ROR2: variants seen among roughly 807,000 people sequenced by gnomAD.
ROR2 encodes tyrosine-protein kinase transmembrane receptor ROR2.
ROR2 carries 33 observed loss-of-function variants against 74.9 expected under a neutral mutation model. The observed-to-expected ratio is 0.44, with a 90% CI of 0.33 to 0.59. The LOEUF is 0.59. ROR2 is among the 20% of genes least tolerant of loss of function. The pLI, the probability that ROR2 is intolerant of heterozygous loss-of-function variation, is 0.02. For missense variants in ROR2, 1,216 were observed against 1,313.8 expected, an observed-to-expected ratio of 0.93 and a Z score of 1.15; for synonymous variants, 586 against 558.7, an observed-to-expected ratio of 1.05 and a Z score of -0.69.
chr9:91,798,915 G>A (rs895722203), intron 1 of ROR2, among the ~76,000 whole-genome samples: 15 of 152,114 alleles, frequency 9.9e-5, no homozygotes, highest in Non-Finnish European at 2.9e-5. Flanking sequence ...CCACGCAGCA[G>A]AGACGCTCTG....
chr9:91,850,415 CT>C (rs1231452265), intron 1 of ROR2, among the ~76,000 whole-genome samples: 1 of 150,888 alleles, frequency 6.6e-6, no homozygotes, highest in Non-Finnish European at 1.5e-5. Flanking sequence ...AGAGACGACC[CT>C]GGACAATCAG....
At chr9:91,909,860 T>TTTTTTTTTTTTTTC (rs1830926544) in intron 1 of ROR2, among the ~76,000 whole-genome samples, 1 of 127,576 alleles carries the variant, frequency 7.8e-6, no homozygotes, top group Non-Finnish European at 1.6e-5. Flanking sequence ...TTTTTTTTTT[T>TTTTTTTTTTTTTTC]TTTTTTTTTT....
chr9:91,822,849 G>A (rs761438981), intron 1 of ROR2, among the ~76,000 whole-genome samples: 2 of 152,160 alleles, frequency 1.3e-5, no homozygotes, highest in Non-Finnish European at 2.9e-5. Context: ...GCAGCCAGAC[G>A]TGCACAGCTT....
chr9:91,743,206 G>T lies in ROR2; in HGVS notation c.495-5688C>A, dbSNP rs181341876. On this transcript the variant is annotated intron_variant, in intron 4 of 8. Coordinates refer to ENST00000375708, the MANE Select transcript of ROR2 (RefSeq NM_004560.4). Reference sequence around the variant, plus strand: ...TGAACTTGAAGACAGATCAACAGGAGATTTCCAAACTGAAGCAAAGAGACA... The same window carrying T: ...TGAACTTGAAGACAGATCAACAGGATATTTCCAAACTGAAGCAAAGAGACA... Among the ~76,000 whole-genome samples the T allele has an allele frequency of 3.2e-4, 49 of 152,308 alleles. No individual in the cohort carries two copies. The East Asian group carries it at 8.1e-3, about 25-fold the overall frequency.
At chr9:91,775,024 C>T (rs112686470) in intron 2 of ROR2, among the ~76,000 whole-genome samples, 375 of 152,312 alleles carry the variant, frequency 2.5e-3, no homozygotes, top group African/African-American at 8.4e-3. Flanking sequence ...CACAGCAAGG[C>T]GGCAGCTGCC....
At chr9:91,886,468 G>T (rs1830275406) in intron 1 of ROR2, among the ~76,000 whole-genome samples, 1 of 151,800 alleles carries the variant, frequency 6.6e-6, no homozygotes, top group Non-Finnish European at 1.5e-5. Context: ...CTACACCAGG[G>T]TCTCTGCTTA....
At chr9:91,841,426 A>T (rs12004009) in intron 1 of ROR2, among the ~76,000 whole-genome samples, 28,332 of 152,236 alleles carry the variant, frequency 0.19, 4,602 homozygotes, top group African/African-American at 0.44. Context: ...AATGCCCATG[A>T]GACTGCCCCT....
rs11405599 is a variant in ROR2, at chr9:91,764,559, T to TACACAC, written c.176-7006_176-7001dup. 4.4e-3 allele frequency among the ~76,000 whole-genome samples: 645 copies of TACACAC among 147,680 alleles called. 4 individuals are homozygous for TACACAC. The highest frequency in any genetic ancestry group is 0.012 in the African/African-American group (480 of 40,388). On this transcript the variant is annotated intron_variant, in intron 2 of 8. Transcript: ENST00000375708. ...TTAAATGCTATGAGCTATAATCACT[T>TACACAC]ACACACACACACACACACACACACA...
chr9:91,909,785 T>C (rs2119441971), intron 1 of ROR2, among the ~76,000 whole-genome samples: 1 of 149,544 alleles, frequency 6.7e-6, no homozygotes, highest in South Asian at 2.1e-4. Flanking sequence ...TTTCTTCAAA[T>C]CATTAGCTAT....
At chr9:91,848,654 T>G (rs1047449214) in intron 1 of ROR2, among the ~76,000 whole-genome samples, 1 of 151,142 alleles carries the variant, frequency 6.6e-6, no homozygotes, top group Middle Eastern at 3.2e-3. Flanking sequence ...CTCGGGAGAC[T>G]GAGGCAGGGA....
chr9:91,887,978 G>C (rs1332475987), intron 1 of ROR2, among the ~76,000 whole-genome samples: 1 of 151,888 alleles, frequency 6.6e-6, no homozygotes, highest in East Asian at 1.9e-4. Context: ...TTTTAGTAGA[G>C]ACGGGGTTTT....
intron 1 of ROR2, among the ~76,000 whole-genome samples, chr9:91,815,285 T>A (rs889415898): frequency 1.3e-5 from 2 of 152,242 alleles, no homozygotes; most frequent in African/African-American, 2.4e-5. Flanking sequence ...TGTTACAGAT[T>A]CATGGTGTGT....
chr9:91,919,472 T>C (rs891715061), intron 1 of ROR2, among the ~76,000 whole-genome samples: 2 of 152,320 alleles, frequency 1.3e-5, no homozygotes, highest in Middle Eastern at 3.4e-3. Context: ...CACTGGACCA[T>C]CTGAATCCAA....
At chr9:91,829,675 A>G (rs2119179299) in intron 1 of ROR2, among the ~76,000 whole-genome samples, 1 of 152,166 alleles carries the variant, frequency 6.6e-6, no homozygotes, top group South Asian at 2.1e-4. Flanking sequence ...TAGAGCAGGG[A>G]GCAATGAAAT....
intron 7 of ROR2, among the ~76,000 whole-genome samples, chr9:91,730,386 C>T (rs1837195329): frequency 6.6e-6 from 1 of 152,194 alleles, no homozygotes; most frequent in East Asian, 1.9e-4. Flanking sequence ...TGACATTACT[C>T]TTCAGACTTT....
intron 4 of ROR2, among the ~76,000 whole-genome samples, chr9:91,740,148 G>A (rs975658051): frequency 6.6e-6 from 1 of 152,190 alleles, no homozygotes; most frequent in African/African-American, 2.4e-5. Context: ...AGGACAGAGA[G>A]AGCAAGGGAT....
intron 4 of ROR2, among the ~76,000 whole-genome samples, chr9:91,746,156 A>C (rs1019821959): frequency 6.7e-6 from 1 of 150,320 alleles, no homozygotes; most frequent in African/African-American, 2.5e-5. Context: ...GGCTCACTGC[A>C]ACCTCCACCT....
intron 2 of ROR2, among the ~76,000 whole-genome samples, chr9:91,758,154 G>A (rs1470302235): frequency 1.3e-5 from 2 of 152,242 alleles, no homozygotes; most frequent in Admixed American, 6.5e-5. Flanking sequence ...CCATCGCCTT[G>A]TTTAGCCCCA....
chr9:91,942,400 CACAG>C (rs976334144), intron 1 of ROR2, among the ~76,000 whole-genome samples: 10 of 152,134 alleles, frequency 6.6e-5, no homozygotes, highest in African/African-American at 1.7e-4. Flanking sequence ...CCTTTGAGAC[CACAG>C]ACATTTCCTG....
Sources: gnomAD v4.1 joint callset for allele counts (sites outside exome capture counted in the v4.1 genomes callset) on GRCh38, gnomAD v4.1.1 for gene constraint, MANE v1.5 for transcripts, NCBI Gene and HGNC (gene_info 2026-07-23, HGNC 2026-07-21) for gene names.